The following RNF213 variants were observed in gnomAD, a reference collection of about 807,000 sequenced individuals.
RNF213 encodes E3 ubiquitin-protein ligase RNF213.
Under a neutral mutation model 514.4 loss-of-function variants are expected in RNF213, and 341 were observed. The observed-to-expected ratio is 0.66, with a 90% confidence interval of 0.61 to 0.73. RNF213 has a LOEUF of 0.73. Ranked by LOEUF, RNF213 falls within the 30% of genes least tolerant of loss-of-function variation. The pLI is 0.00. For synonymous variants in RNF213, 2,655 were observed against 2,658.2 expected (o/e 1.00, Z 0.04); for missense variants, 5,767 against 6,615.6 (o/e 0.87, Z 4.45).
intron 11 of RNF213, among the ~76,000 whole-genome samples, chr17:80,300,378 G>T (rs959339964): frequency 4.0e-5 from 6 of 151,522 alleles, no homozygotes; most frequent in Non-Finnish European, 2.9e-5. Context: ...GATTCTGCTG[G>T]GATTGGTAGT....
intron 42 of RNF213, 69 bp downstream of exon 42, chr17:80,364,622 CAGTG>C: frequency 6.3e-7 from 1 of 1,597,310 alleles, no homozygotes; most frequent in Non-Finnish European, 8.6e-7. Context: ...ACAGCACTGA[CAGTG>C]ATCTGCGGCT....
Position 80,325,123 on chromosome 17 carries a change from A to C in RNF213, c.3118A>C (p.Thr1040Pro). 6.5e-7 allele frequency: 1 copy of C among 1,536,918 alleles called. No homozygotes were observed. Among genetic ancestry groups the C allele is most frequent in the South Asian group, 1.2e-5 (1 of 83,996 alleles). ...TGTGATCACTAAGTCCTGGCCTAGG[A>C]CCGCGGACAACTTCGATGACATTTT... is the stretch of plus-strand genomic sequence containing the variant. The part of the protein sequence containing the change: ...SAVITKSWPR[T>P]ADNFDDILKH... Residue 1040 changes from threonine (T) to proline (P), a missense_variant, in exon 18 of 68, where the codon ACC becomes CCC. Physicochemically the swap from Thr to Pro is conservative, Grantham distance 38. Around this residue, in one of 13 missense-constraint regions of RNF213, gnomAD observed 516 missense variants for 566.5 expected, o/e 0.91. Coordinates refer to ENST00000582970, the MANE Select transcript of RNF213 (RefSeq NM_001256071.3).
At chr17:80,331,934 C>T in intron 20 of RNF213, 72 bp from the exon 21 acceptor site, 1 of 1,476,892 alleles carries the variant, frequency 6.8e-7, no homozygotes, top group Middle Eastern at 1.8e-4. Flanking sequence ...GAGAGAAAGT[C>T]TTAGGAAAGT....
At chr17:80,275,545 A>G (rs1444625997) in intron 3 of RNF213, among the ~76,000 whole-genome samples, 1 of 152,262 alleles carries the variant, frequency 6.6e-6, no homozygotes, top group Non-Finnish European at 1.5e-5. Context: ...AGCAGGACGC[A>G]CTCGAAAAAG....
Position 80,317,093 on chromosome 17 carries a change from TGTATTGCC to T in RNF213, c.2812-91_2812-84del. ...GGTGTTCGCGGAGTCCCGCGCTCTC[TGTATTGCC>T]GTAATGCTCTGTCTTTCTCCTTTCA... On this transcript the variant is annotated intron_variant, in intron 15 of 67. Coordinates refer to ENST00000582970, the MANE Select transcript of RNF213 (RefSeq NM_001256071.3). The surrounding 1 kb of genome is among the most constrained non-coding windows in gnomAD (Gnocchi z 4.1). 5.9e-6 allele frequency: 8 copies of T among 1,346,296 alleles called. No individual in the cohort carries two copies. The South Asian group carries it at 9.9e-5, about 17-fold the overall frequency. 83.4% of individuals were successfully genotyped at this position (1,346,296 alleles called of 1,614,324 possible).
chr17:80,332,316 C>T lies in RNF213; in HGVS notation c.3828C>T (p.Asp1276=). Residue 1276 remains aspartate, a synonymous_variant, in exon 21 of 68, where the codon GAC becomes GAT. Transcript: ENST00000582970. Reference sequence around the variant, plus strand: ...TCCTTGAGCTTGAAGAGGTGTATGACTATTTGTATCAGCCTTCTTACAGAA... The same window carrying T: ...TCCTTGAGCTTGAAGAGGTGTATGATTATTTGTATCAGCCTTCTTACAGAA... ...RHILELEEVY[D]YLYQPSYRKF... The T allele has an allele frequency of 6.5e-7, 1 of 1,537,228 alleles. No individual in the cohort carries two copies. The highest frequency in any genetic ancestry group is 8.7e-7 in the Non-Finnish European group (1 of 1,146,918).
At chr17:80,305,349 A>G (rs1455768935) in intron 11 of RNF213, among the ~76,000 whole-genome samples, 1 of 150,934 alleles carries the variant, frequency 6.6e-6, no homozygotes, top group African/African-American at 2.4e-5. Context: ...TGGCTAATTT[A>G]GGATTTTTAG....
At chr17:80,369,729 G>A in intron 45 of RNF213, 39 bp from the exon 46 acceptor site, 1 of 1,613,198 alleles carries the variant, frequency 6.2e-7, no homozygotes, top group Non-Finnish European at 8.5e-7. Flanking sequence ...GCTTCTGCAT[G>A]TCTCATGCAG....
intron 8 of RNF213, among the ~76,000 whole-genome samples, chr17:80,292,687 G>A (rs1598938269): frequency 6.6e-6 from 1 of 150,508 alleles, no homozygotes; most frequent in East Asian, 2.0e-4. Context: ...TCCCCCACCT[G>A]GGTTCTCTGT....
At chr17:80,373,264 C>A in intron 49 of RNF213, 99 bp downstream of exon 49, 2 of 905,816 alleles carry the variant, frequency 2.2e-6, no homozygotes, top group Non-Finnish European at 3.3e-6. Context: ...ACCCCCCCCA[C>A]ACCCCACCCC....
intron 32 of RNF213, 140 bp from the exon 33 acceptor site, chr17:80,352,800 C>T: frequency 7.5e-7 from 1 of 1,336,382 alleles, no homozygotes; most frequent in Non-Finnish European, 1.1e-6. Context: ...AGGCCCATTC[C>T]AGGGTTTCGG....
chr17:80,339,743 C>T lies in RNF213; in HGVS notation c.5376C>T (p.Phe1792=). Residue 1792 remains phenylalanine, a synonymous_variant, in exon 26 of 68, where the codon TTC becomes TTT. Transcript: ENST00000582970. The stretch of plus-strand genomic sequence containing the variant: ...AGTCCATGAGGTGCCTTCCTGCCTT[C>T]CTGCCCGACTGCCTCGACCTAGAGA... ...MEQSMRCLPA[F]LPDCLDLETL... The T allele has an allele frequency of 2.6e-6, 4 of 1,537,158 alleles. No individual in the cohort carries two copies. Among genetic ancestry groups the T allele is most frequent in the Non-Finnish European group, 3.5e-6 (4 of 1,146,860 alleles).
At chr17:80,292,352 G>A (rs1285876221) in intron 8 of RNF213, among the ~76,000 whole-genome samples, 14 of 152,168 alleles carry the variant, frequency 9.2e-5, no homozygotes, top group Non-Finnish European at 1.5e-5. Context: ...ACAGGTGTAA[G>A]CCACTATGCC....
intron 3 of RNF213, among the ~76,000 whole-genome samples, chr17:80,280,701 C>T (rs941624645): frequency 3.3e-5 from 5 of 152,028 alleles, no homozygotes; most frequent in Non-Finnish European, 5.9e-5. Context: ...GCAATTCTCC[C>T]GCCCCAGCCT....
rs376262420 is a variant in RNF213 at position 80,344,685 on chromosome 17, G to A, written c.6350G>A (p.Arg2117His). The A allele has an allele frequency of 1.4e-5, 23 of 1,614,048 alleles. No homozygotes were observed. Among genetic ancestry groups the A allele is most frequent in the African/African-American group, 5.3e-5 (4 of 75,000 alleles). Residue 2117 changes from arginine to histidine, a missense_variant, in exon 29 of 68, where the codon CGT becomes CAT. This residue lies in a region of RNF213 where 1,377 missense variants were observed against 1,635.2 expected (regional missense o/e 0.84). Transcript: ENST00000582970. ...AATGTCTCTCCTTTCCAGCGTACACGTGTACCCCAGTTCAGTTTTCTTGAC... is the reference window on the plus strand; with the variant it reads ...AATGTCTCTCCTTTCCAGCGTACACATGTACCCCAGTTCAGTTTTCTTGAC... ...PSRSSSALRT[R>H]VPQFSFLDIF...
intron 11 of RNF213, among the ~76,000 whole-genome samples, chr17:80,301,985 A>G (rs917752845): frequency 6.6e-6 from 1 of 152,260 alleles, no homozygotes; most frequent in Non-Finnish European, 1.5e-5. Flanking sequence ...TCGCAGCAAC[A>G]TGGACAAGCT....
chr17:80,384,961 C>A, intron 59 of RNF213, 78 bp from the exon 60 acceptor site: 4 of 1,439,566 alleles, frequency 2.8e-6, no homozygotes, highest in Non-Finnish European at 3.9e-6. Context: ...AGTCTCGCAG[C>A]CAGTCTCAAA....
At chr17:80,289,521 C>T (rs556684128) in intron 5 of RNF213, 138 bp from the exon 6 acceptor site, 56 of 875,492 alleles carry the variant, frequency 6.4e-5, no homozygotes, top group Non-Finnish European at 9.0e-5. Context: ...GCCTGGGAGG[C>T]GGAGGTTGCA....
rs542492632 is a variant in RNF213, at chr17:80,338,720, G to A, written c.4834-481G>A. On this transcript the variant is annotated intron_variant, in intron 25 of 67. Transcript: ENST00000582970. ...GGTTCACACTTTGGGAGGCCGAGGC[G>A]GGCCTATCACTTGAGGTCAGGTGTT... Among the ~76,000 whole-genome samples, 22 of 151,702 alleles carry A rather than the reference G, an allele frequency of 1.5e-4. No individual in the cohort carries two copies. The East Asian group carries it at 2.1e-3, about 15-fold the overall frequency.
Sources: gnomAD v4.1 joint callset for allele counts (sites outside exome capture counted in the v4.1 genomes callset) on GRCh38, gnomAD v4.1.1 for gene constraint, gnomAD v4.1.1 regional missense constraint, Gnocchi (gnomAD v3.1) non-coding constraint, MANE v1.5 for transcripts, NCBI Gene and HGNC (gene_info 2026-07-23, HGNC 2026-07-21) for gene names.